The following RUNX2 variants were observed in gnomAD, a reference collection of about 807,000 sequenced individuals.
The protein encoded by RUNX2 is runt-related transcription factor 2.
A neutral mutation model predicts 51.7 loss-of-function variants in RUNX2; 10 were observed. That is an observed-to-expected ratio of 0.19 (90% CI 0.12 to 0.33). The LOEUF (loss-of-function observed/expected upper bound fraction) is 0.33. Ranked by LOEUF, RUNX2 falls within the 10% of genes least tolerant of loss-of-function variation. RUNX2 has a pLI of 1.00. For missense variants in RUNX2, 562 were observed against 691.3 expected, an observed-to-expected ratio of 0.81 and a Z score of 2.10; for synonymous variants, 276 against 273.6, an observed-to-expected ratio of 1.01 and a Z score of -0.09.
intron 7 of RUNX2, among the ~76,000 whole-genome samples, chr6:45,514,191 T>C (rs1801250785): frequency 6.6e-6 from 1 of 152,202 alleles, no homozygotes; most frequent in Non-Finnish European, 1.5e-5. Flanking sequence ...TACTGAGGTA[T>C]ATTCCTGTGA....
At chr6:45,526,931 T>A (rs1801689957) in intron 7 of RUNX2, among the ~76,000 whole-genome samples, 1 of 152,230 alleles carries the variant, frequency 6.6e-6, no homozygotes, top group Admixed American at 6.5e-5. Context: ...GCCCTTAGAA[T>A]AATGCCTGAT....
At chr6:45,435,167 A>G (rs1162664696) in intron 4 of RUNX2, among the ~76,000 whole-genome samples, 2 of 152,116 alleles carry the variant, frequency 1.3e-5, no homozygotes, top group East Asian at 1.9e-4. Flanking sequence ...TAGAGAACTC[A>G]TTCTACTCTG....
At chr6:45,539,706 G>A (rs370740813) in intron 7 of RUNX2, among the ~76,000 whole-genome samples, 3 of 152,116 alleles carry the variant, frequency 2.0e-5, no homozygotes, top group Non-Finnish European at 4.4e-5. Context: ...TACCTCTGTC[G>A]TGTTTGCCTC....
intron 5 of RUNX2, among the ~76,000 whole-genome samples, chr6:45,469,897 T>A (rs1427202938): frequency 6.6e-6 from 1 of 152,180 alleles, no homozygotes; most frequent in Non-Finnish European, 1.5e-5. Context: ...ATTTGTGCAG[T>A]CTTTCCTGCC....
intron 7 of RUNX2, among the ~76,000 whole-genome samples, chr6:45,544,114 C>A (rs1346032610): frequency 6.6e-6 from 1 of 151,816 alleles, no homozygotes; most frequent in Non-Finnish European, 1.5e-5. Context: ...CCTTTCAAGT[C>A]AACATTAGCG....
chr6:45,452,658 A>G (rs1374362888), intron 5 of RUNX2, among the ~76,000 whole-genome samples: 2 of 152,212 alleles, frequency 1.3e-5, no homozygotes. Flanking sequence ...GCATGTACAC[A>G]CACACACAGA....
chr6:45,355,736 C>A (rs1474601868), intron 2 of RUNX2, among the ~76,000 whole-genome samples: 1 of 152,050 alleles, frequency 6.6e-6, no homozygotes, highest in Non-Finnish European at 1.5e-5. Flanking sequence ...CATTAATATG[C>A]ACAAATTCTA....
chr6:45,482,097 G>A (rs1800133335), intron 5 of RUNX2, among the ~76,000 whole-genome samples: 1 of 152,226 alleles, frequency 6.6e-6, no homozygotes, highest in Non-Finnish European at 1.5e-5. Context: ...AGGAGCTACG[G>A]CGAAGTTAGC....
chr6:45,394,811 G>A (rs935192704), intron 2 of RUNX2, among the ~76,000 whole-genome samples: 3 of 152,176 alleles, frequency 2.0e-5, no homozygotes, highest in Admixed American at 1.3e-4. Context: ...AAGGGCAGGC[G>A]TTGGTTAAGC....
intron 5 of RUNX2, among the ~76,000 whole-genome samples, chr6:45,445,044 A>G (rs1046709870): frequency 5.9e-5 from 9 of 152,154 alleles, no homozygotes; most frequent in African/African-American, 2.2e-4. Flanking sequence ...ATTTTATTTC[A>G]GATGGAGTCT....
At chr6:45,463,018 G>T (rs1799518601) in intron 5 of RUNX2, among the ~76,000 whole-genome samples, 1 of 152,164 alleles carries the variant, frequency 6.6e-6, no homozygotes, top group Admixed American at 6.5e-5. Flanking sequence ...GCATACAGTG[G>T]CACAGGCACC....
At chr6:45,495,540 A>C (rs1271694202) in intron 6 of RUNX2, among the ~76,000 whole-genome samples, 1 of 152,198 alleles carries the variant, frequency 6.6e-6, no homozygotes, top group African/African-American at 2.4e-5. Context: ...AATATGCCAT[A>C]TCTGCATTTT....
At chr6:45,359,358 C>T (rs1040517883) in intron 2 of RUNX2, among the ~76,000 whole-genome samples, 1 of 152,078 alleles carries the variant, frequency 6.6e-6, no homozygotes, top group Non-Finnish European at 1.5e-5. Context: ...TGCCTTTATA[C>T]ATATTCTCAC....
At chr6:45,532,097 A>AT (rs552562016) in intron 7 of RUNX2, among the ~76,000 whole-genome samples, 3 of 146,398 alleles carry the variant, frequency 2.0e-5, no homozygotes, top group Non-Finnish European at 4.5e-5. Context: ...TAACAATTAC[A>AT]TTTTTTTAGT....
intron 5 of RUNX2, among the ~76,000 whole-genome samples, chr6:45,484,094 G>A (rs1419351584): frequency 6.6e-6 from 1 of 152,086 alleles, no homozygotes; most frequent in East Asian, 1.9e-4. Flanking sequence ...TCATTTTTTG[G>A]TAGACGAGGA....
At chr6:45,341,834 G>A (rs546753125) in intron 2 of RUNX2, among the ~76,000 whole-genome samples, 6 of 152,076 alleles carry the variant, frequency 3.9e-5, no homozygotes, top group South Asian at 2.1e-4. Context: ...ATAATTCATC[G>A]CTTTTAGTTT....
intron 2 of RUNX2, among the ~76,000 whole-genome samples, chr6:45,360,058 T>A (rs1793979285): frequency 1.3e-5 from 2 of 152,210 alleles, no homozygotes; most frequent in East Asian, 3.8e-4. Context: ...CTGTTGAAAG[T>A]CATTTATAAA....
chr6:45,526,245 G>A (rs937288819), intron 7 of RUNX2, among the ~76,000 whole-genome samples: 5 of 152,174 alleles, frequency 3.3e-5, no homozygotes. Context: ...ATATGTGCAT[G>A]TGTGTCAGAA....
Position 45,366,425 on chromosome 6 carries a change from C to T in RUNX2, c.58+37641C>T, listed in dbSNP as rs531386081. ...GGCTGTTGTGAGAATTAAATGAATA[C>T]ATACAAAAATTTAGAGCAGTACTGA... On this transcript the variant is annotated intron_variant, in intron 2 of 8. Coordinates refer to ENST00000647337, the MANE Select transcript of RUNX2 (RefSeq NM_001024630.4). Among the ~76,000 whole-genome samples, 17 of 152,222 alleles carry T rather than the reference C, an allele frequency of 1.1e-4. 1 individual carries two copies. In the South Asian group the frequency reaches 3.5e-3, roughly 32 times the overall value.
Sources: gnomAD v4.1 joint callset for allele counts (sites outside exome capture counted in the v4.1 genomes callset) on GRCh38, gnomAD v4.1.1 for gene constraint, MANE v1.5 for transcripts, NCBI Gene and HGNC (gene_info 2026-07-23, HGNC 2026-07-21) for gene names.